Variants in HTR2C observed in about 807,000 individuals in gnomAD.
The protein encoded by HTR2C is 5-hydroxytryptamine receptor 2C, also known as 5-hydroxytryptamine (serotonin) receptor 2C, G protein-coupled.
HTR2C carries 5 observed loss-of-function variants against 21.0 expected under a neutral mutation model. The ratio of observed to expected loss-of-function variants is 0.24; its 90% CI spans 0.12 to 0.50. The LOEUF (loss-of-function observed/expected upper bound fraction) is 0.50. Ranked by LOEUF, HTR2C falls within the 20% of genes least tolerant of loss-of-function variation. The pLI is 0.98. For synonymous variants in HTR2C, 150 were observed against 145.3 expected (o/e 1.03, Z -0.23); for missense variants, 271 against 371.2 (o/e 0.73, Z 2.22).
intron 4 of HTR2C, among the ~76,000 whole-genome samples, chrX:114,788,614 C>T (rs1339054610): frequency 9.0e-6 from 1 of 110,545 alleles, no homozygotes; most frequent in African/African-American, 3.3e-5. Flanking sequence ...ATAATCTTCC[C>T]AATTCAGATG....
chrX:114,847,956 G>A, intron 4 of HTR2C, 47 bp from the exon 5 acceptor site: 2 of 1,032,050 alleles, frequency 1.9e-6, no homozygotes, highest in Non-Finnish European at 2.7e-6. Flanking sequence ...ACTATAGTCA[G>A]TACAATTTGG....
chrX:114,677,205 GA>G (rs1321496492), intron 2 of HTR2C, among the ~76,000 whole-genome samples: 3 of 111,220 alleles, frequency 2.7e-5, no homozygotes, highest in Non-Finnish European at 5.7e-5. Flanking sequence ...TGAGCTGATT[GA>G]CAACATGATT....
intron 5 of HTR2C, among the ~76,000 whole-genome samples, chrX:114,869,030 C>A (rs782410110): frequency 4.6e-5 from 5 of 109,420 alleles, no homozygotes; most frequent in African/African-American, 1.7e-4. Context: ...AGTGATGTTC[C>A]CCGCCCTCTG....
chrX:114,653,612 T>G (rs1273737350), intron 2 of HTR2C, among the ~76,000 whole-genome samples: 2 of 110,661 alleles, frequency 1.8e-5, no homozygotes, highest in Non-Finnish European at 3.8e-5. Context: ...CAGAACCTTA[T>G]TATGTGCATT....
chrX:114,592,450 C>A (rs1188947957), intron 1 of HTR2C, among the ~76,000 whole-genome samples: 1 of 111,453 alleles, frequency 9.0e-6, no homozygotes, highest in African/African-American at 3.3e-5. Context: ...GAGAATGAAG[C>A]AACAAGATCA....
intron 4 of HTR2C, among the ~76,000 whole-genome samples, chrX:114,732,164 G>A (rs2069543734): frequency 8.9e-6 from 1 of 111,908 alleles, no homozygotes; most frequent in Non-Finnish European, 1.9e-5. Flanking sequence ...ATAAGTGTAA[G>A]TTCATATCAT....
At chrX:114,685,996 C>G (rs1047368206) in intron 2 of HTR2C, among the ~76,000 whole-genome samples, 1 of 111,296 alleles carries the variant, frequency 9.0e-6, no homozygotes, top group Non-Finnish European at 1.9e-5. Flanking sequence ...ACCTCATACT[C>G]TGAAGGGCAG....
intron 2 of HTR2C, among the ~76,000 whole-genome samples, chrX:114,629,501 A>G (rs1556403713): frequency 8.9e-6 from 1 of 111,950 alleles, no homozygotes; most frequent in Non-Finnish European, 1.9e-5. Flanking sequence ...GCAAGAAAGT[A>G]ATGGGACATT....
intron 4 of HTR2C, among the ~76,000 whole-genome samples, chrX:114,816,553 C>A (rs1382715714): frequency 1.8e-5 from 2 of 110,307 alleles, no homozygotes; most frequent in African/African-American, 6.6e-5. Context: ...ACACCATAAA[C>A]TATAGTTCAT....
chrX:114,725,484 A>G (rs1420591927), intron 2 of HTR2C, among the ~76,000 whole-genome samples: 3 of 111,388 alleles, frequency 2.7e-5, no homozygotes, highest in Non-Finnish European at 3.8e-5. Flanking sequence ...GCTCAGAGTA[A>G]TTTGATCGTC....
chrX:114,870,359 G>T (rs781917002), intron 5 of HTR2C, among the ~76,000 whole-genome samples: 12 of 111,039 alleles, frequency 1.1e-4, no homozygotes, highest in Non-Finnish European at 7.5e-5. Flanking sequence ...TAGGATTACA[G>T]GTGTGAGCCA....
At chrX:114,797,531 C>A (rs782479930) in intron 4 of HTR2C, among the ~76,000 whole-genome samples, 7 of 111,094 alleles carry the variant, frequency 6.3e-5, no homozygotes, top group Non-Finnish European at 9.4e-5. Flanking sequence ...ACTAAACATC[C>A]ATGGGCACAG....
intron 4 of HTR2C, among the ~76,000 whole-genome samples, chrX:114,770,808 T>TTTC (rs2069993866): frequency 1.0e-5 from 1 of 98,986 alleles, no homozygotes; most frequent in Non-Finnish European, 2.0e-5. Context: ...TCTTCCTTTT[T>TTTC]TTTTTTTTTT....
intron 5 of HTR2C, among the ~76,000 whole-genome samples, chrX:114,865,049 T>C (rs1189085759): frequency 9.1e-6 from 1 of 110,198 alleles, no homozygotes; most frequent in Non-Finnish European, 1.9e-5. Flanking sequence ...CCATCAAAAG[T>C]TTCCTCAAGC....
chrX:114,608,894 C>CA (rs1439045485), intron 1 of HTR2C, among the ~76,000 whole-genome samples: 1 of 111,648 alleles, frequency 9.0e-6, no homozygotes, highest in Non-Finnish European at 1.9e-5. Context: ...GCATTTACCT[C>CA]AAAAAAACTT....
chrX:114,789,638 A>G (rs1409289944), intron 4 of HTR2C, among the ~76,000 whole-genome samples: 1 of 111,696 alleles, frequency 9.0e-6, no homozygotes, highest in Non-Finnish European at 1.9e-5. Flanking sequence ...CTTAGAACAT[A>G]GAGACCATAG....
chrX:114,748,791 A>G lies in HTR2C; in HGVS notation c.349+17184A>G, dbSNP rs1305740938. On this transcript the variant is annotated intron_variant, in intron 4 of 5. Coordinates refer to ENST00000276198, the MANE Select transcript of HTR2C (RefSeq NM_000868.4). ...AAAACTACTAAACTTCTGGAAGAAA[A>G]CAGAAGAAAATCTTTAATGATATTG... is the stretch of plus-strand genomic sequence containing the variant. 3.6e-5 allele frequency among the ~76,000 whole-genome samples: 4 copies of G among 111,949 alleles called. No homozygotes were observed. In the South Asian group the frequency reaches 1.5e-3, roughly 41 times the overall value.
At chrX:114,842,530 C>T (rs782101871) in intron 4 of HTR2C, among the ~76,000 whole-genome samples, 2 of 111,940 alleles carry the variant, frequency 1.8e-5, no homozygotes, top group South Asian at 3.7e-4. Context: ...AATGGAGATA[C>T]GTTGGGAAAG....
Position 114,907,713 on chromosome X carries a change from CTCTT to C in HTR2C, c.*304_*307del, listed in dbSNP as rs1265334528. On this transcript the variant is annotated 3_prime_UTR_variant, in exon 6 of 6. Transcript: ENST00000276198. ...TTTTTTCCTTTCTTCCTTCCTTTCT[CTCTT>C]TCTTTTGTGCATATGGCAACGTTCA... 1.3e-5 allele frequency: 3 copies of C among 224,829 alleles called. No homozygotes were observed. Among genetic ancestry groups the C allele is most frequent in the Non-Finnish European group, 2.4e-5 (3 of 125,744 alleles). The allele number at this position is 224,829 out of a possible 1,213,427, so 18.5% of individuals were successfully genotyped here. A position where few individuals can be genotyped will look rare whatever the true frequency, so the allele number is the denominator to read the frequency against.
Sources: gnomAD v4.1 joint callset for allele counts (sites outside exome capture counted in the v4.1 genomes callset) on GRCh38, gnomAD v4.1.1 for gene constraint, MANE v1.5 for transcripts, NCBI Gene and HGNC (gene_info 2026-07-23, HGNC 2026-07-21) for gene names.